MAN1A1: variants seen among roughly 807,000 people sequenced by gnomAD.
MAN1A1 encodes mannosyl-oligosaccharide 1,2-alpha-mannosidase IA.
Under a neutral mutation model 70.8 loss-of-function variants are expected in MAN1A1, and 29 were observed. The observed-to-expected ratio is 0.41, with a 90% CI of 0.31 to 0.56. MAN1A1 has a LOEUF of 0.56. Ranked by LOEUF, MAN1A1 falls within the 20% of genes least tolerant of loss-of-function variation. The pLI is 0.29. For synonymous variants in MAN1A1, 349 were observed against 330.1 expected (o/e 1.06, Z -0.62); for missense variants, 747 against 841.3 (o/e 0.89, Z 1.39).
At position 119,251,112 on chromosome 6, in the gene MAN1A1, C is replaced by T. The variant is rs76449632; in HGVS notation, c.898-2758G>A. On this transcript the variant is annotated intron_variant, in intron 5 of 12. Coordinates refer to ENST00000368468, the MANE Select transcript of MAN1A1 (RefSeq NM_005907.4). ...TCATTGCCAGGTACTATGAAATGCA[C>T]GATTTAAAAAAAAGAAGGTCCTCCT... Among the ~76,000 whole-genome samples, 1,502 of 152,022 alleles carry T rather than the reference C, an allele frequency of 9.9e-3. 12 individuals are homozygous for T. Among genetic ancestry groups the T allele is most frequent in the Non-Finnish European group, 0.017 (1,126 of 67,950 alleles).
intron 5 of MAN1A1, among the ~76,000 whole-genome samples, chr6:119,273,262 C>A (rs1775973335): frequency 6.6e-6 from 1 of 152,012 alleles, no homozygotes; most frequent in Non-Finnish European, 1.5e-5. Flanking sequence ...GAAAAACAGG[C>A]AGAGGGAAGG....
At chr6:119,288,778 G>A (rs1237147011) in intron 5 of MAN1A1, among the ~76,000 whole-genome samples, 1 of 151,554 alleles carries the variant, frequency 6.6e-6, no homozygotes, top group Non-Finnish European at 1.5e-5. Flanking sequence ...AACATGCTAA[G>A]AATATGGGTC....
At chr6:119,318,543 C>A (rs1344722024) in intron 2 of MAN1A1, among the ~76,000 whole-genome samples, 3 of 152,124 alleles carry the variant, frequency 2.0e-5, no homozygotes, top group Admixed American at 1.3e-4. Context: ...GTTTCTGTTA[C>A]TTATCTCATT....
At chr6:119,261,300 C>T (rs1444241748) in intron 5 of MAN1A1, among the ~76,000 whole-genome samples, 1 of 152,150 alleles carries the variant, frequency 6.6e-6, no homozygotes. Context: ...AAAGCTATTG[C>T]ACACACGCAC....
chr6:119,335,871 T>C (rs1033819870), intron 2 of MAN1A1, among the ~76,000 whole-genome samples: 1 of 152,308 alleles, frequency 6.6e-6, no homozygotes, highest in Non-Finnish European at 1.5e-5. Flanking sequence ...ACAAATAAAC[T>C]GATGCAGATT....
At chr6:119,241,938 G>T (rs369670737) in intron 6 of MAN1A1, among the ~76,000 whole-genome samples, 1 of 88,212 alleles carries the variant, frequency 1.1e-5, no homozygotes, top group African/African-American at 4.9e-5. Flanking sequence ...GTATGTGTGT[G>T]TGTGTATGTA....
At chr6:119,307,767 G>A (rs894470419) in intron 2 of MAN1A1, among the ~76,000 whole-genome samples, 4 of 151,950 alleles carry the variant, frequency 2.6e-5, no homozygotes, top group Non-Finnish European at 5.9e-5. Flanking sequence ...AAAAGGATTG[G>A]GACTCTTCAA....
chr6:119,325,033 G>T (rs1165219320), intron 2 of MAN1A1, among the ~76,000 whole-genome samples: 1 of 152,160 alleles, frequency 6.6e-6, no homozygotes, highest in Non-Finnish European at 1.5e-5. Context: ...AGAGCCAATG[G>T]TTAAAGCATA....
At chr6:119,225,806 C>T (rs1774499237) in intron 6 of MAN1A1, among the ~76,000 whole-genome samples, 1 of 152,142 alleles carries the variant, frequency 6.6e-6, no homozygotes. Context: ...AACAATATAT[C>T]TGATGAAACT....
intron 4 of MAN1A1, among the ~76,000 whole-genome samples, chr6:119,300,377 T>C (rs984238507): frequency 6.6e-6 from 1 of 151,794 alleles, no homozygotes; most frequent in Non-Finnish European, 1.5e-5. Context: ...TGCCTCAGCC[T>C]CCTGAGTAGC....
chr6:119,304,321 G>A (rs905740645), intron 3 of MAN1A1, among the ~76,000 whole-genome samples: 1 of 152,160 alleles, frequency 6.6e-6, no homozygotes, highest in East Asian at 1.9e-4. Flanking sequence ...GATTCAGAGA[G>A]ACACTGGAGG....
At chr6:119,308,347 T>C (rs150044533) in intron 2 of MAN1A1, among the ~76,000 whole-genome samples, 151 of 152,274 alleles carry the variant, frequency 9.9e-4, no homozygotes, top group African/African-American at 3.5e-3. Flanking sequence ...CTTTCAACAA[T>C]CAAAAGAATG....
At chr6:119,309,188 T>C (rs183719202) in intron 2 of MAN1A1, among the ~76,000 whole-genome samples, 1 of 152,324 alleles carries the variant, frequency 6.6e-6, no homozygotes. Context: ...TGTTAACCAA[T>C]TCCACCAGCT....
At position 119,348,643 on chromosome 6, in the gene MAN1A1, C is replaced by T. The variant is rs1252798514; in HGVS notation, c.423G>A (p.Lys141=). The change falls in exon 2 of 13, where the codon AAG becomes AAA. Residue 141 remains lysine (K), a synonymous_variant. Coordinates refer to ENST00000368468, the MANE Select transcript of MAN1A1 (RefSeq NM_005907.4). ...TGTCTCTTTGGATCTCCTCGGGCAG[C>T]TTCTGCAGGGTCTCCTTGGCTTCCC... ...ALREAKETLQ[K]LPEEIQRDIL... 6.2e-7 allele frequency: 1 copy of T among 1,613,648 alleles called. No homozygotes were observed. Among genetic ancestry groups the T allele is most frequent in the Non-Finnish European group, 8.5e-7 (1 of 1,179,870 alleles).
chr6:119,230,468 G>C (rs1026134717), intron 6 of MAN1A1, among the ~76,000 whole-genome samples: 2 of 152,100 alleles, frequency 1.3e-5, no homozygotes, highest in Non-Finnish European at 2.9e-5. Context: ...GCCTTGTCCT[G>C]TTCCTTTTCA....
At chr6:119,224,845 G>A (rs894487317) in intron 6 of MAN1A1, among the ~76,000 whole-genome samples, 1 of 152,098 alleles carries the variant, frequency 6.6e-6, no homozygotes, top group Non-Finnish European at 1.5e-5. Flanking sequence ...AATTGTATCT[G>A]GGGCCGGGTG....
chr6:119,241,944 ATGTATGTGTGTG>A (rs1775019551), intron 6 of MAN1A1, among the ~76,000 whole-genome samples: 2 of 146,070 alleles, frequency 1.4e-5, no homozygotes, highest in South Asian at 4.3e-4. Context: ...GTGTGTGTGT[ATGTATGTGTGTG>A]TGTGTGTGTG....
chr6:119,204,383 G>C (rs896435301), intron 7 of MAN1A1, among the ~76,000 whole-genome samples: 3 of 152,190 alleles, frequency 2.0e-5, no homozygotes, highest in Admixed American at 2.0e-4. Flanking sequence ...CGGAAAACGA[G>C]GGACCAATTC....
chr6:119,301,153 C>T (rs764857783), intron 4 of MAN1A1, among the ~76,000 whole-genome samples: 52 of 152,160 alleles, frequency 3.4e-4, no homozygotes, highest in Admixed American at 5.2e-4. Flanking sequence ...AGAGACTTTA[C>T]GAGAATTTCT....
Sources: allele counts gnomAD v4.1 joint callset (sites outside exome capture counted in the v4.1 genomes callset), GRCh38; gene constraint gnomAD v4.1.1; transcripts MANE v1.5; gene names NCBI Gene and HGNC (gene_info 2026-07-23, HGNC 2026-07-21).